Variants in GALNTL6 observed in about 807,000 individuals in gnomAD.
GALNTL6 encodes polypeptide N-acetylgalactosaminyltransferase like 6.
GALNTL6 carries 46 observed loss-of-function variants against 73.7 expected under a neutral mutation model. The observed-to-expected ratio is 0.62, with a 90% confidence interval of 0.49 to 0.80. The LOEUF is 0.80. GALNTL6 is among the 30% of genes least tolerant of loss of function. The probability of loss-of-function intolerance (pLI) is 0.00; values close to 1 mark genes in which losing one functional copy is unlikely to be tolerated. For missense variants in GALNTL6, 604 were observed against 755.0 expected (o/e 0.80, Z 2.34); for synonymous variants, 259 against 263.7 (o/e 0.98, Z 0.17).
chr4:172,530,938 C>T (rs910193451), intron 5 of GALNTL6, among the ~76,000 whole-genome samples: 28 of 122,510 alleles, frequency 2.3e-4, no homozygotes, highest in Non-Finnish European at 3.8e-4. Context: ...TTGTACTCGC[C>T]GTGTGTTATA....
At chr4:172,261,781 G>A (rs1339121761) in intron 3 of GALNTL6, among the ~76,000 whole-genome samples, 1 of 151,244 alleles carries the variant, frequency 6.6e-6, no homozygotes, top group Non-Finnish European at 1.5e-5. Flanking sequence ...TATTTCAAAG[G>A]TTTTGATAAT....
intron 2 of GALNTL6, among the ~76,000 whole-genome samples, chr4:171,879,322 G>A (rs1200437807): frequency 2.0e-5 from 3 of 152,122 alleles, no homozygotes; most frequent in Non-Finnish European, 4.4e-5. Context: ...CTTTTAAGAA[G>A]TGAAAATGGC....
At chr4:172,354,269 T>C (rs996678562) in intron 5 of GALNTL6, among the ~76,000 whole-genome samples, 4 of 152,166 alleles carry the variant, frequency 2.6e-5, no homozygotes, top group Non-Finnish European at 5.9e-5. Context: ...GTATTTAAAA[T>C]GGTGAGGATA....
chr4:172,873,796 A>G (rs886486091), intron 7 of GALNTL6, among the ~76,000 whole-genome samples: 1 of 152,216 alleles, frequency 6.6e-6, no homozygotes, highest in African/African-American at 2.4e-5. Flanking sequence ...GTCATTAAGC[A>G]GGGTGTAAAC....
At chr4:172,858,757 C>A (rs1036024792) in intron 7 of GALNTL6, among the ~76,000 whole-genome samples, 2 of 152,070 alleles carry the variant, frequency 1.3e-5, no homozygotes, top group Non-Finnish European at 2.9e-5. Context: ...CAATGTCCAG[C>A]AGCCTAACGA....
At chr4:172,742,746 T>A (rs1736878940) in intron 5 of GALNTL6, among the ~76,000 whole-genome samples, 1 of 152,082 alleles carries the variant, frequency 6.6e-6, no homozygotes, top group Non-Finnish European at 1.5e-5. Context: ...GCTTAAAATC[T>A]GCTGACAGGA....
chr4:171,845,901 ATACTCATCATCACAGC>A (rs1427580343), intron 2 of GALNTL6, among the ~76,000 whole-genome samples: 1 of 152,216 alleles, frequency 6.6e-6, no homozygotes, highest in Non-Finnish European at 1.5e-5. Context: ...AATTGTGAAC[ATACTCATCATCACAGC>A]TACTCAATGG....
intron 2 of GALNTL6, among the ~76,000 whole-genome samples, chr4:171,840,307 T>C (rs987072055): frequency 1.3e-5 from 2 of 152,218 alleles, no homozygotes; most frequent in African/African-American, 4.8e-5. Context: ...CAGTGTGTCT[T>C]AGAATAGTGC....
chr4:172,228,230 A>C (rs1736934157), intron 2 of GALNTL6, among the ~76,000 whole-genome samples: 1 of 152,038 alleles, frequency 6.6e-6, no homozygotes, highest in East Asian at 1.9e-4. Context: ...TTTTCTATTT[A>C]CTTTTCCATA....
intron 5 of GALNTL6, among the ~76,000 whole-genome samples, chr4:172,502,699 A>G (rs1453094552): frequency 6.6e-6 from 1 of 152,272 alleles, no homozygotes; most frequent in African/African-American, 2.4e-5. Context: ...TACCTTTAGT[A>G]AAGACATAAA....
chr4:172,337,624 T>C (rs543959008), intron 4 of GALNTL6, among the ~76,000 whole-genome samples: 1 of 152,076 alleles, frequency 6.6e-6, no homozygotes. Flanking sequence ...TACTGGGAAG[T>C]TGCTGTTAAC....
At chr4:172,623,243 A>G (rs1166079713) in intron 5 of GALNTL6, among the ~76,000 whole-genome samples, 1 of 152,194 alleles carries the variant, frequency 6.6e-6, no homozygotes, top group South Asian at 2.1e-4. Context: ...TAAAAAAGTT[A>G]AAAAGGAGTG....
chr4:171,933,269 T>C (rs903228815), intron 2 of GALNTL6, among the ~76,000 whole-genome samples: 1 of 152,218 alleles, frequency 6.6e-6, no homozygotes, highest in Non-Finnish European at 1.5e-5. Flanking sequence ...TTTGAGCTCA[T>C]GGTAAAATAA....
chr4:172,139,319 AATTG>A (rs1419258668), intron 2 of GALNTL6, among the ~76,000 whole-genome samples: 2 of 152,202 alleles, frequency 1.3e-5, no homozygotes, highest in Non-Finnish European at 2.9e-5. Context: ...ACTTTTTAAA[AATTG>A]ATTGATCAAA....
intron 5 of GALNTL6, among the ~76,000 whole-genome samples, chr4:172,530,035 C>T (rs1382709138): frequency 6.6e-6 from 1 of 151,872 alleles, no homozygotes. Context: ...AGCCACCACG[C>T]CTGGCCCCCT....
chr4:173,008,456 C>T (rs968209247), intron 10 of GALNTL6, among the ~76,000 whole-genome samples: 19 of 152,202 alleles, frequency 1.2e-4, no homozygotes, highest in African/African-American at 4.6e-4. Flanking sequence ...TTTAGCATGT[C>T]GAGTAGACCA....
chr4:172,432,747 CA>C (rs1263714471), intron 5 of GALNTL6, among the ~76,000 whole-genome samples: 1 of 151,592 alleles, frequency 6.6e-6, no homozygotes, highest in African/African-American at 2.4e-5. Flanking sequence ...AATCTGGTCA[CA>C]AAAAAACCTT....
intron 3 of GALNTL6, among the ~76,000 whole-genome samples, chr4:172,239,270 GA>G (rs1737339289): frequency 6.6e-6 from 1 of 152,052 alleles, no homozygotes. Context: ...TTCCATTTCA[GA>G]ATCAATTATT....
intron 4 of GALNTL6, among the ~76,000 whole-genome samples, chr4:172,346,802 CTAGTAATTTGA>C (rs939306618): frequency 6.6e-6 from 1 of 151,874 alleles, no homozygotes; most frequent in African/African-American, 2.4e-5. Flanking sequence ...TTCATGTGTA[CTAGTAATTTGA>C]TAGTAATTTG....
Sources: allele counts gnomAD v4.1 joint callset (sites outside exome capture counted in the v4.1 genomes callset), GRCh38; gene constraint gnomAD v4.1.1; transcripts MANE v1.5; gene names NCBI Gene and HGNC (gene_info 2026-07-23, HGNC 2026-07-21).